Variants in OCA2 observed in about 807,000 individuals in gnomAD.
The protein encoded by OCA2 is OCA2 melanosomal transmembrane protein.
OCA2 carries 77 observed loss-of-function variants against 100.2 expected under a neutral mutation model. The observed-to-expected ratio is 0.77, with a 90% CI of 0.64 to 0.93. The LOEUF is 0.93. Among genes scored for constraint, OCA2 ranks in the 40% least tolerant of loss-of-function variants. The probability of loss-of-function intolerance (pLI) is 0.00; values close to 1 mark genes in which losing one functional copy is unlikely to be tolerated. For missense variants in OCA2, 1,062 were observed against 1,089.1 expected, an observed-to-expected ratio of 0.98 and a Z score of 0.35; for synonymous variants, 432 against 439.2, an observed-to-expected ratio of 0.98 and a Z score of 0.21.
chr15:27,983,465 G>C lies in OCA2; in HGVS notation c.1383C>G (p.Asn461Lys). Residue 461 changes from asparagine (N) to lysine (K), a missense_variant, in exon 14 of 24, where the codon AAC becomes AAG. Transcript: ENST00000354638. ...CAATCAGGACTTGTCTTGGATCAAG[G>C]TTGAGCACCTCACACAACCTGTCAC... Reference protein sequence around the residue: ...PVTIRLCEVLNLDPRQVLIAE... With the variant: ...PVTIRLCEVLKLDPRQVLIAE... 6.2e-7 allele frequency: 1 copy of C among 1,614,222 alleles called. No individual in the cohort carries two copies. Among genetic ancestry groups the C allele is most frequent in the Non-Finnish European group, 8.5e-7 (1 of 1,180,034 alleles).
chr15:28,038,103 T>A (rs1274720998), intron 2 of OCA2, among the ~76,000 whole-genome samples: 1 of 152,172 alleles, frequency 6.6e-6, no homozygotes, highest in African/African-American at 2.4e-5. Context: ...TCTCTCTCCC[T>A]CTCTCTGACA....
chr15:27,939,523 G>A (rs182023993), intron 18 of OCA2, among the ~76,000 whole-genome samples: 9 of 152,272 alleles, frequency 5.9e-5, no homozygotes, highest in Admixed American at 5.9e-4. Flanking sequence ...TTACGAGGTT[G>A]AGCACCTTTT....
intron 2 of OCA2, among the ~76,000 whole-genome samples, chr15:28,032,417 C>T (rs904656356): frequency 6.6e-6 from 1 of 152,180 alleles, no homozygotes; most frequent in Non-Finnish European, 1.5e-5. Context: ...TGGGATGACA[C>T]TTTTAGGCTC....
At chr15:28,021,735 T>C (rs565051724) in intron 6 of OCA2, among the ~76,000 whole-genome samples, 1 of 152,124 alleles carries the variant, frequency 6.6e-6, no homozygotes, top group Non-Finnish European at 1.5e-5. Context: ...AAGGCCTTCA[T>C]TTGCTTGGGA....
At chr15:27,984,930 G>T in intron 13 of OCA2, 134 bp downstream of exon 13, 1 of 986,298 alleles carries the variant, frequency 1.0e-6, no homozygotes, top group Non-Finnish European at 1.6e-6. Flanking sequence ...GGACTGGAAT[G>T]CAGTGAGCTG....
intron 23 of OCA2, among the ~76,000 whole-genome samples, chr15:27,797,115 G>A (rs893159741): frequency 4.6e-5 from 7 of 152,210 alleles, no homozygotes; most frequent in Non-Finnish European, 7.3e-5. Flanking sequence ...CTGGTGAAGC[G>A]TGGCACCCCC....
chr15:27,917,270 T>C (rs2038700057), intron 19 of OCA2, among the ~76,000 whole-genome samples: 1 of 152,202 alleles, frequency 6.6e-6, no homozygotes, highest in Non-Finnish European at 1.5e-5. Context: ...TCAGTACTTC[T>C]ATATGATCTT....
chr15:27,977,623 C>T (rs375373425), intron 14 of OCA2, among the ~76,000 whole-genome samples: 33 of 152,292 alleles, frequency 2.2e-4, no homozygotes, highest in African/African-American at 7.9e-4. Flanking sequence ...TAATTCAACA[C>T]AAAATTGCTC....
At chr15:27,919,323 T>C (rs1180648015) in intron 19 of OCA2, among the ~76,000 whole-genome samples, 2 of 152,114 alleles carry the variant, frequency 1.3e-5, no homozygotes, top group Non-Finnish European at 2.9e-5. Context: ...CACATAGACG[T>C]TCGTAGCAGC....
the OCA2 span, among the ~76,000 whole-genome samples, chr15:27,720,530 ATATG>A: frequency 6.6e-6 from 1 of 151,046 alleles, no homozygotes; most frequent in South Asian, 2.1e-4. Context: ...ATTCATCTAC[ATATG>A]TATGTTTTTA....
chr15:28,092,649 T>C (rs1413761552), intron 1 of OCA2, among the ~76,000 whole-genome samples: 1 of 152,198 alleles, frequency 6.6e-6, no homozygotes, highest in African/African-American at 2.4e-5. Context: ...TTGTACACTT[T>C]AAATGGGTGA....
At chr15:27,963,457 A>G (rs1321843452) in intron 15 of OCA2, among the ~76,000 whole-genome samples, 2 of 152,186 alleles carry the variant, frequency 1.3e-5, no homozygotes, top group African/African-American at 2.4e-5. Context: ...CAGTGGAACT[A>G]AATTAGGTAA....
chr15:27,754,632 G>A (rs770305361), downstream of OCA2, among the ~76,000 whole-genome samples: 6 of 152,182 alleles, frequency 3.9e-5, no homozygotes, highest in Non-Finnish European at 8.8e-5. Flanking sequence ...ACAGCGTCCT[G>A]CAGGGAGAGC....
intron 19 of OCA2, among the ~76,000 whole-genome samples, chr15:27,893,491 A>G (rs534089790): frequency 1.0e-3 from 154 of 152,346 alleles, no homozygotes; most frequent in Non-Finnish European, 1.5e-3. Context: ...GCAGAGAGCC[A>G]ATAAATGGAC....
chr15:27,990,170 A>C (rs2041504414), intron 10 of OCA2, among the ~76,000 whole-genome samples: 1 of 152,022 alleles, frequency 6.6e-6, no homozygotes. Context: ...CCTCATCCCC[A>C]AACACGCCTC....
intron 23 of OCA2, among the ~76,000 whole-genome samples, chr15:27,791,331 C>T (rs1268353869): frequency 6.6e-6 from 1 of 152,154 alleles, no homozygotes; most frequent in Non-Finnish European, 1.5e-5. Context: ...CACAGCTATA[C>T]AATGAAACAA....
At chr15:27,963,289 A>G (rs2040464591) in intron 15 of OCA2, among the ~76,000 whole-genome samples, 1 of 152,196 alleles carries the variant, frequency 6.6e-6, no homozygotes, top group Non-Finnish European at 1.5e-5. Flanking sequence ...CCTAAGCTAT[A>G]TAATTGACAT....
At position 28,081,756 on chromosome 15, in the gene OCA2, C is replaced by T. The variant is rs1212574604; in HGVS notation, c.119G>A (p.Arg40Gln). Residue 40 changes from arginine (R) to glutamine (Q), a missense_variant, in exon 2 of 24, where the codon CGG (arginine) becomes CAG (glutamine). Arg to Gln is a conservative substitution (Grantham distance 43, BLOSUM62 1). Transcript: ENST00000354638. ...CGAGGGGTCAGCTCCACCGGCTCCC[C>T]GAGGAAGCCTGCGCTTGCCGGCCAC... ...ELVAGKRRLP[R>Q]GAGGADPSHS... 4.3e-6 allele frequency: 7 copies of T among 1,613,426 alleles called. No individual in the cohort carries two copies. Among genetic ancestry groups the T allele is most frequent in the Non-Finnish European group, 5.9e-6 (7 of 1,179,894 alleles).
At chr15:27,884,928 C>G (rs770598446) in intron 19 of OCA2, among the ~76,000 whole-genome samples, 1 of 152,140 alleles carries the variant, frequency 6.6e-6, no homozygotes, top group Non-Finnish European at 1.5e-5. Context: ...GATCGGTGGC[C>G]ACTCTGCCTC....
Sources: gnomAD v4.1 joint callset for allele counts (sites outside exome capture counted in the v4.1 genomes callset) on GRCh38, gnomAD v4.1.1 for gene constraint, MANE v1.5 for transcripts, NCBI Gene and HGNC (gene_info 2026-07-23, HGNC 2026-07-21) for gene names.